ADAMTS16: variants seen among roughly 807,000 people sequenced by gnomAD.
The protein encoded by ADAMTS16 is A disintegrin and metalloproteinase with thrombospondin motifs 16.
Under a neutral mutation model 145.8 loss-of-function variants are expected in ADAMTS16, and 94 were observed. The ratio of observed to expected loss-of-function variants is 0.64; its 90% CI spans 0.55 to 0.77. ADAMTS16 has a LOEUF of 0.77. Ranked by LOEUF, ADAMTS16 falls within the 30% of genes least tolerant of loss-of-function variation. ADAMTS16 has a pLI of 0.00. For synonymous variants in ADAMTS16, 659 were observed against 604.3 expected (o/e 1.09, Z -1.33); for missense variants, 1,585 against 1,591.5 (o/e 1.00, Z 0.07).
At chr5:5,160,609 G>T (rs1216510398) in intron 3 of ADAMTS16, among the ~76,000 whole-genome samples, 1 of 152,124 alleles carries the variant, frequency 6.6e-6, no homozygotes. Flanking sequence ...CCCAGGCTGT[G>T]GTGGGTGCAA....
chr5:5,286,597 G>A (rs1268267931), intron 18 of ADAMTS16, among the ~76,000 whole-genome samples: 1 of 151,968 alleles, frequency 6.6e-6, no homozygotes, highest in African/African-American at 2.4e-5. Context: ...GGTGGCTCAC[G>A]CCTGTAATCC....
chr5:5,174,135 G>C (rs1029251959), intron 3 of ADAMTS16, among the ~76,000 whole-genome samples: 1 of 152,134 alleles, frequency 6.6e-6, no homozygotes, highest in Admixed American at 6.5e-5. Context: ...TGACAGGTCT[G>C]GTGTTGATTA....
chr5:5,194,727 A>T (rs776589946), intron 8 of ADAMTS16, among the ~76,000 whole-genome samples: 2 of 152,224 alleles, frequency 1.3e-5, no homozygotes, highest in African/African-American at 2.4e-5. Context: ...AGAAGGAATG[A>T]TAAGTTTGAT....
chr5:5,241,402 A>G (rs1737287403), intron 16 of ADAMTS16, among the ~76,000 whole-genome samples: 1 of 152,236 alleles, frequency 6.6e-6, no homozygotes, highest in Non-Finnish European at 1.5e-5. Context: ...CTTTACTAAT[A>G]AAACACCTTT....
chr5:5,209,336 T>C (rs1344894201), intron 10 of ADAMTS16, 90 bp downstream of exon 10: 1 of 1,471,416 alleles, frequency 6.8e-7, no homozygotes, highest in African/African-American at 1.4e-5. Context: ...CTGCATTTAT[T>C]GGGTACCTAC....
intron 17 of ADAMTS16, among the ~76,000 whole-genome samples, chr5:5,252,271 G>A (rs1182443143): frequency 6.6e-6 from 1 of 152,184 alleles, no homozygotes. Flanking sequence ...ACCAGTCCTT[G>A]GCTTGTACTC....
rs914341657 is a variant in ADAMTS16, at chr5:5,269,046, C to T, written c.2789+6263C>T. ...ACATTCTGAGCTCATACACACCTCA[C>T]CTGTGACCTCTCGGTCCTTAACACC... is the stretch of plus-strand genomic sequence containing the variant. On this transcript the variant is annotated intron_variant, in intron 18 of 22. Transcript: ENST00000274181. This position sits in a 1 kb window ranked among gnomAD's most constrained non-coding sequence, Gnocchi z 4.3. Among the ~76,000 whole-genome samples, 13 of 152,192 alleles carry T rather than the reference C, an allele frequency of 8.5e-5. No individual in the cohort carries two copies. Among genetic ancestry groups the T allele is most frequent in the South Asian group, 4.1e-4 (2 of 4,826 alleles).
intron 17 of ADAMTS16, among the ~76,000 whole-genome samples, chr5:5,256,846 A>G (rs945661539): frequency 7.9e-5 from 12 of 152,352 alleles, no homozygotes; most frequent in East Asian, 1.9e-4. Context: ...AAAAAGCCGT[A>G]AGAGTTTGGT....
chr5:5,209,432 G>A (rs1339680624), intron 10 of ADAMTS16, among the ~76,000 whole-genome samples, 186 bp downstream of exon 10: 1 of 152,328 alleles, frequency 6.6e-6, no homozygotes, highest in African/African-American at 2.4e-5. Context: ...AGGAGATACT[G>A]TTGTGGGTAT....
At chr5:5,258,632 C>A (rs1737881339) in intron 17 of ADAMTS16, among the ~76,000 whole-genome samples, 1 of 152,166 alleles carries the variant, frequency 6.6e-6, no homozygotes, top group East Asian at 1.9e-4. Flanking sequence ...ACAGGCATGG[C>A]TGTAGAGGAC....
At position 5,303,287 on chromosome 5, in the gene ADAMTS16, A is replaced by T. The variant is rs779492679; in HGVS notation, c.2809A>T (p.Ser937Cys). 4 of 1,584,362 alleles carry T rather than the reference A, an allele frequency of 2.5e-6. 1 individual carries two copies. The South Asian group carries it at 4.6e-5, about 18-fold the overall frequency. Residue 937 changes from serine to cysteine, a missense_variant, in exon 19 of 23, where the codon AGT (serine) becomes TGT (cysteine). Transcript: ENST00000274181. Reference protein sequence around the residue: ...CPPSWSVGNWSACSRTCGGGA... With the variant: ...CPPSWSVGNWCACSRTCGGGA... Reference sequence around the variant, plus strand: ...GCCCAGCTGGTCCGTGGGGAACTGGAGTGCCTGCAGTCGGACGTGTGGCGG... The same window carrying T: ...GCCCAGCTGGTCCGTGGGGAACTGGTGTGCCTGCAGTCGGACGTGTGGCGG...
chr5:5,221,662 G>A (rs1028081705), intron 10 of ADAMTS16, among the ~76,000 whole-genome samples: 2 of 152,184 alleles, frequency 1.3e-5, no homozygotes, highest in Non-Finnish European at 2.9e-5. Context: ...GGGAAAATAC[G>A]AAGCTGTGTC....
chr5:5,171,467 G>T (rs554689217), intron 3 of ADAMTS16, among the ~76,000 whole-genome samples: 6 of 152,074 alleles, frequency 3.9e-5, no homozygotes, highest in Non-Finnish European at 7.4e-5. Flanking sequence ...GTGTTTTGAT[G>T]ATTGTTATCA....
chr5:5,241,099 G>A (rs1217185307), intron 16 of ADAMTS16, among the ~76,000 whole-genome samples: 1 of 152,056 alleles, frequency 6.6e-6, no homozygotes, highest in Non-Finnish European at 1.5e-5. Flanking sequence ...GCACCACTGA[G>A]ACTGGAGCTG....
intron 13 of ADAMTS16, among the ~76,000 whole-genome samples, chr5:5,236,366 A>G (rs1313047629): frequency 6.6e-6 from 1 of 152,148 alleles, no homozygotes. Flanking sequence ...CATATTAAAT[A>G]TAAACCAAAA....
intron 18 of ADAMTS16, among the ~76,000 whole-genome samples, chr5:5,282,008 A>G (rs1350222218): frequency 7.3e-6 from 1 of 137,060 alleles, no homozygotes; most frequent in Non-Finnish European, 1.6e-5. Flanking sequence ...GATGAGTGTG[A>G]TAATGCATTG....
At chr5:5,158,951 C>G (rs922303847) in intron 3 of ADAMTS16, among the ~76,000 whole-genome samples, 7 of 152,246 alleles carry the variant, frequency 4.6e-5, no homozygotes, top group Non-Finnish European at 7.3e-5. Flanking sequence ...CACCCTGCAT[C>G]CTCCACAAAA....
At position 5,140,456 on chromosome 5, in the gene ADAMTS16, G is replaced by A. The variant is rs981879827; in HGVS notation, c.-12G>A. On this transcript the variant is annotated 5_prime_UTR_variant, in exon 1 of 23. Coordinates refer to ENST00000274181, the MANE Select transcript of ADAMTS16 (RefSeq NM_139056.4). Reference sequence around the variant, plus strand: ...CCCTCCGGTGGCCCCTAGCCCCTCGGAGCGCTCCTGGATGAAGCCCCGCGC... The same window carrying A: ...CCCTCCGGTGGCCCCTAGCCCCTCGAAGCGCTCCTGGATGAAGCCCCGCGC... The A allele has an allele frequency of 1.3e-6, 2 of 1,505,598 alleles. No homozygotes were observed. The highest frequency in any genetic ancestry group is 2.1e-5 in the Admixed American group (1 of 47,598). 93.3% of individuals were successfully genotyped at this position (1,505,598 alleles called of 1,614,324 possible).
intron 18 of ADAMTS16, among the ~76,000 whole-genome samples, chr5:5,285,443 G>A (rs1029218338): frequency 1.3e-5 from 2 of 152,158 alleles, no homozygotes; most frequent in African/African-American, 4.8e-5. Flanking sequence ...GTGCAGCCCC[G>A]ACTGCCTGTC....
Sources: gnomAD v4.1 joint callset for allele counts (sites outside exome capture counted in the v4.1 genomes callset) on GRCh38, gnomAD v4.1.1 for gene constraint, Gnocchi (gnomAD v3.1) non-coding constraint, MANE v1.5 for transcripts, NCBI Gene and HGNC (gene_info 2026-07-23, HGNC 2026-07-21) for gene names.